Variants in PKHD1 observed in about 807,000 individuals in gnomAD.
PKHD1 encodes the protein PKHD1 ciliary IPT domain containing fibrocystin/polyductin, also known as fibrocystin.
PKHD1 carries 291 observed loss-of-function variants against 412.0 expected under a neutral mutation model. That is an observed-to-expected ratio of 0.71 (90% CI 0.64 to 0.78). The LOEUF is 0.78. Ranked by LOEUF, PKHD1 falls within the 30% of genes least tolerant of loss-of-function variation. The probability of loss-of-function intolerance (pLI) is 0.00; values close to 1 mark genes in which losing one functional copy is unlikely to be tolerated. For synonymous variants in PKHD1, 1,777 were observed against 1,821.5 expected (o/e 0.98, Z 0.62); for missense variants, 4,825 against 4,950.7 (o/e 0.97, Z 0.76).
At chr6:51,743,605 G>A (rs905251200) in intron 60 of PKHD1, among the ~76,000 whole-genome samples, 4 of 152,142 alleles carry the variant, frequency 2.6e-5, no homozygotes, top group African/African-American at 4.8e-5. Flanking sequence ...AGCAAAATTA[G>A]AGAAAGAAGG....
At chr6:52,022,725 C>G in intron 33 of PKHD1, 76 bp downstream of exon 33, 1 of 1,501,392 alleles carries the variant, frequency 6.7e-7, no homozygotes, top group Non-Finnish European at 9.2e-7. Flanking sequence ...GCATTAATCA[C>G]AAAAATAGAA....
chr6:51,871,312 T>C (rs1562505551), intron 46 of PKHD1, among the ~76,000 whole-genome samples: 1 of 121,884 alleles, frequency 8.2e-6, no homozygotes, highest in Non-Finnish European at 2.1e-5. Flanking sequence ...ACAAACTGCA[T>C]TACATCTATC....
At position 52,072,158 on chromosome 6, in the gene PKHD1, A is replaced by T; in HGVS notation, c.559T>A (p.Trp187Arg). 6.2e-7 allele frequency: 1 copy of T among 1,610,100 alleles called. No homozygotes were observed. The highest frequency in any genetic ancestry group is 8.5e-7 in the Non-Finnish European group (1 of 1,176,412). Residue 187 changes from tryptophan to arginine, a missense_variant, in exon 8 of 67, where the codon TGG becomes AGG. By Grantham distance (101) the Trp-to-Arg change is moderately radical. Transcript: ENST00000371117. ...TTTATAAGAGAGCAAGGAGTAACCC[A>T]TTTGTCTCCTTGAGCTTCCAAGATC... ...PVILEAQGDK[W>R]VTPCSLINRQ... is the part of the protein sequence containing the mutation.
chr6:51,727,355 G>C (rs1782704137), intron 60 of PKHD1, among the ~76,000 whole-genome samples: 1 of 152,078 alleles, frequency 6.6e-6, no homozygotes, highest in African/African-American at 2.4e-5. Flanking sequence ...ACTTGACAGA[G>C]GGATATAAGG....
At chr6:51,993,069 G>A (rs62406006) in intron 35 of PKHD1, among the ~76,000 whole-genome samples, 9,456 of 152,276 alleles carry the variant, frequency 0.062, 334 homozygotes, top group East Asian at 0.14. Flanking sequence ...CTACCAGTCC[G>A]GATTTGCTAC....
chr6:51,775,221 CT>C (rs1790814278), intron 54 of PKHD1, among the ~76,000 whole-genome samples: 1 of 151,658 alleles, frequency 6.6e-6, no homozygotes, highest in Non-Finnish European at 1.5e-5. Flanking sequence ...AGAGTTATCC[CT>C]CTTTACTTAT....
chr6:51,855,300 T>C (rs560791727), intron 49 of PKHD1, among the ~76,000 whole-genome samples: 60 of 152,324 alleles, frequency 3.9e-4, no homozygotes, highest in African/African-American at 1.4e-3. Context: ...CTTCACATGC[T>C]TATTATGTTT....
chr6:52,018,592 C>T (rs982174253), intron 33 of PKHD1, among the ~76,000 whole-genome samples: 4 of 152,188 alleles, frequency 2.6e-5, no homozygotes, highest in African/African-American at 4.8e-5. Flanking sequence ...CACCTCACTG[C>T]AACTTCCGCC....
intron 21 of PKHD1, among the ~76,000 whole-genome samples, chr6:52,051,244 G>A (rs1424664778): frequency 6.6e-6 from 1 of 152,174 alleles, no homozygotes; most frequent in Non-Finnish European, 1.5e-5. Context: ...CATAGGTGGG[G>A]ATAACAGGAC....
At chr6:51,664,775 A>G (rs1415279479) in intron 60 of PKHD1, among the ~76,000 whole-genome samples, 1 of 152,138 alleles carries the variant, frequency 6.6e-6, no homozygotes, top group Non-Finnish European at 1.5e-5. Context: ...AATTACACGC[A>G]TTATTTTTAT....
intron 50 of PKHD1, 149 bp from the exon 51 acceptor site, chr6:51,836,618 C>T (rs111686065): frequency 2.1e-5 from 14 of 661,902 alleles, no homozygotes; most frequent in African/African-American, 7.3e-5. Flanking sequence ...GTTAATCTAA[C>T]AATTGATTTC....
At chr6:51,846,153 A>T (rs1771105467) in intron 50 of PKHD1, among the ~76,000 whole-genome samples, 2 of 152,250 alleles carry the variant, frequency 1.3e-5, no homozygotes, top group South Asian at 4.1e-4. Context: ...TTTGAATGGT[A>T]TAATTCAGTG....
chr6:51,961,745 G>A (rs1192883099), intron 35 of PKHD1, among the ~76,000 whole-genome samples: 1 of 152,086 alleles, frequency 6.6e-6, no homozygotes, highest in African/African-American at 2.4e-5. Context: ...GGGTGAACCA[G>A]GTTATCTGTA....
chr6:51,927,271 G>A (rs1196497731), intron 37 of PKHD1, among the ~76,000 whole-genome samples: 1 of 152,012 alleles, frequency 6.6e-6, no homozygotes, highest in African/African-American at 2.4e-5. Flanking sequence ...GCAGGTTGTT[G>A]GGTGGGACTT....
chr6:51,659,296 G>A lies in PKHD1; in HGVS notation c.10830C>T (p.Ala3610=), dbSNP rs1581891327. Residue 3610 remains alanine, a synonymous_variant, in exon 61 of 67, where the codon GCC becomes GCT. Coordinates refer to ENST00000371117, the MANE Select transcript of PKHD1 (RefSeq NM_138694.4). ...EMPGHEETLK[A]IADSRAKRKR... is the part of the protein sequence containing the mutation. ...TTCTTTTTGCTCTACTGTCAGCAATGGCCTTTAAGGTCTCTTCATGGCCAG... is the reference window on the plus strand; with the variant it reads ...TTCTTTTTGCTCTACTGTCAGCAATAGCCTTTAAGGTCTCTTCATGGCCAG... The A allele has an allele frequency of 3.7e-6, 6 of 1,613,638 alleles. No individual in the cohort carries two copies. The highest frequency in any genetic ancestry group is 2.7e-5 in the African/African-American group (2 of 74,870).
chr6:51,771,255 G>A (rs1189139729), intron 55 of PKHD1, among the ~76,000 whole-genome samples: 1 of 151,630 alleles, frequency 6.6e-6, no homozygotes, highest in Non-Finnish European at 1.5e-5. Context: ...TGTATTTTTT[G>A]TATAAAGAGA....
chr6:51,632,514 T>G, intron 65 of PKHD1, 51 bp downstream of exon 65: 1 of 1,472,664 alleles, frequency 6.8e-7, no homozygotes. Context: ...TTATGTATGA[T>G]GACTTTTTTT....
chr6:51,616,538 T>G lies in PKHD1; in HGVS notation c.*2543A>C, dbSNP rs1766084733. 6 of 393,650 alleles carry G rather than the reference T, an allele frequency of 1.5e-5. No homozygotes were observed. In the East Asian group the frequency reaches 2.2e-4, roughly 14 times the overall value. The allele number at this position is 393,650 out of a possible 1,614,324, so 24.4% of individuals were successfully genotyped here. ...TCCCTAATTCTCTCATTTTTTTTTT[T>G]TTTTAGGAGAAAGAGGAGTAGCTTA... On this transcript the variant is annotated 3_prime_UTR_variant, in exon 67 of 67. Transcript: ENST00000371117.
chr6:51,663,425 TTGA>T (rs1773188266), intron 60 of PKHD1, among the ~76,000 whole-genome samples: 1 of 152,132 alleles, frequency 6.6e-6, no homozygotes, highest in Non-Finnish European at 1.5e-5. Flanking sequence ...ACTTCCTTTG[TTGA>T]TGATTCTCAA....
Sources: allele counts gnomAD v4.1 joint callset (sites outside exome capture counted in the v4.1 genomes callset), GRCh38; gene constraint gnomAD v4.1.1; transcripts MANE v1.5; gene names NCBI Gene and HGNC (gene_info 2026-07-23, HGNC 2026-07-21).